KCNA2: variants seen among roughly 807,000 people sequenced by gnomAD.
The protein encoded by KCNA2 is potassium voltage-gated channel subfamily A member 2, also known as potassium channel, voltage gated shaker related subfamily A, member 2.
A neutral mutation model predicts 33.4 loss-of-function variants in KCNA2; 11 were observed. The observed-to-expected ratio is 0.33, with a 90% CI of 0.21 to 0.55. The LOEUF is 0.55. KCNA2 is among the 20% of genes least tolerant of loss of function. The pLI, the probability that KCNA2 is intolerant of heterozygous loss-of-function variation, is 0.93. For missense variants in KCNA2, 291 were observed against 621.6 expected (o/e 0.47, Z 5.66); for synonymous variants, 222 against 231.3 (o/e 0.96, Z 0.37).
chr1:110,615,655 A>C (rs1650024549), intron 1 of KCNA2, among the ~76,000 whole-genome samples: 1 of 152,186 alleles, frequency 6.6e-6, no homozygotes, highest in Non-Finnish European at 1.5e-5. Context: ...CGATCGACCC[A>C]AGTCTTTGAA....
rs1649420357 is a variant in KCNA2, at chr1:110,602,890, G to C, written c.*393C>G. ...GCCATGATTGTGTTCCTCTGTGAAA[G>C]GGCAGGTGGGCTCAAATAAGGTGGT... On this transcript the variant is annotated 3_prime_UTR_variant, in exon 3 of 3. Transcript: ENST00000316361. 9.7e-7 allele frequency: 1 copy of C among 1,029,594 alleles called. No homozygotes were observed. The highest frequency in any genetic ancestry group is 1.2e-6 in the Non-Finnish European group (1 of 859,184). The allele number at this position is 1,029,594 out of a possible 1,614,324, so 63.8% of individuals were successfully genotyped here. A position where few individuals can be genotyped will look rare whatever the true frequency, so the allele number is the denominator to read the frequency against.
chr1:110,598,406 C>T lies in KCNA2; in HGVS notation c.*4877G>A. The T allele has an allele frequency of 5.1e-6, 5 of 985,372 alleles. No individual in the cohort carries two copies. The highest frequency in any genetic ancestry group is 6.0e-6 in the Non-Finnish European group (5 of 829,932). 61.0% of individuals were successfully genotyped at this position (985,372 alleles called of 1,614,324 possible). ...TATAGTTTCCTTAGGGGGGAGTCAGCCTCTGTGACTCTACTACTGTGGGCA... is the reference window on the plus strand; with the variant it reads ...TATAGTTTCCTTAGGGGGGAGTCAGTCTCTGTGACTCTACTACTGTGGGCA... On this transcript the variant is annotated 3_prime_UTR_variant, in exon 3 of 3. Coordinates refer to ENST00000316361, the MANE Select transcript of KCNA2 (RefSeq NM_004974.4).
At position 110,599,783 on chromosome 1, in the gene KCNA2, G is replaced by A; in HGVS notation, c.*3500C>T. 1 of 985,524 alleles carries A rather than the reference G, an allele frequency of 1.0e-6. No homozygotes were observed. Among genetic ancestry groups the A allele is most frequent in the Non-Finnish European group, 1.2e-6 (1 of 830,022 alleles). 61.0% of individuals were successfully genotyped at this position (985,524 alleles called of 1,614,324 possible). A position where few individuals can be genotyped will look rare whatever the true frequency, so the allele number is the denominator to read the frequency against. ...ATAGGGCTGAATCTGGAGATCCCAGGTGCTGGGAGAAGGGGAGCCTGGGCT... is the reference window on the plus strand; with the variant it reads ...ATAGGGCTGAATCTGGAGATCCCAGATGCTGGGAGAAGGGGAGCCTGGGCT... On this transcript the variant is annotated 3_prime_UTR_variant, in exon 3 of 3. Transcript: ENST00000316361.
At chr1:110,629,705 C>T (rs1250945594) in intron 1 of KCNA2, among the ~76,000 whole-genome samples, 3 of 152,146 alleles carry the variant, frequency 2.0e-5, no homozygotes, top group Admixed American at 6.5e-5. Context: ...TGACAGACAC[C>T]TGTTTGTGGC....
At chr1:110,617,150 T>C (rs1304321534) in intron 1 of KCNA2, among the ~76,000 whole-genome samples, 2 of 152,144 alleles carry the variant, frequency 1.3e-5, no homozygotes, top group African/African-American at 4.8e-5. Flanking sequence ...TCTCACACTG[T>C]GTGAGGAGGG....
rs1649407848 is a variant in KCNA2, at chr1:110,602,620, A to G, written c.*663T>C. 1 of 998,722 alleles carries G rather than the reference A, an allele frequency of 1.0e-6. No individual in the cohort carries two copies. Among genetic ancestry groups the G allele is most frequent in the Non-Finnish European group, 1.2e-6 (1 of 838,574 alleles). The allele number at this position is 998,722 out of a possible 1,614,324, so 61.9% of individuals were successfully genotyped here. A position where few individuals can be genotyped will look rare whatever the true frequency, so the allele number is the denominator to read the frequency against. On this transcript the variant is annotated 3_prime_UTR_variant, in exon 3 of 3. Coordinates refer to ENST00000316361, the MANE Select transcript of KCNA2 (RefSeq NM_004974.4). ...AAGGGAACAAATGTGAAACTTGACA[A>G]CTCATATTCGGTCATACTAACTGTC...
intron 1 of KCNA2, among the ~76,000 whole-genome samples, chr1:110,620,386 C>G (rs1419239826): frequency 6.6e-6 from 1 of 152,174 alleles, no homozygotes; most frequent in Non-Finnish European, 1.5e-5. Flanking sequence ...TTGTGGTCTA[C>G]TGTGATTGGT....
chr1:110,596,116 C>A lies in KCNA2; in HGVS notation c.*7167G>T. 9.1e-6 allele frequency: 9 copies of A among 985,022 alleles called. No individual in the cohort carries two copies. The highest frequency in any genetic ancestry group is 1.1e-5 in the Non-Finnish European group (9 of 829,880). The allele number at this position is 985,022 out of a possible 1,614,324, so 61.0% of individuals were successfully genotyped here. A position where few individuals can be genotyped will look rare whatever the true frequency, so the allele number is the denominator to read the frequency against. ...GAAAGAGGTGATCCTGTAGCCTGTT[C>A]TTTTTTTATGAAAGATCTGCCTTCT... On this transcript the variant is annotated 3_prime_UTR_variant, in exon 3 of 3. Coordinates refer to ENST00000316361, the MANE Select transcript of KCNA2 (RefSeq NM_004974.4).
chr1:110,604,908 GA>G lies in KCNA2; in HGVS notation c.-127del. ...GCCTGGTCTCCTGCAGGAGAGCCCCGAGAGCTCTCTGAGAGCTGGAGAGACA... is the reference window on the plus strand; with the variant it reads ...GCCTGGTCTCCTGCAGGAGAGCCCCGGAGCTCTCTGAGAGCTGGAGAGACA... On this transcript the variant is annotated 5_prime_UTR_variant, in exon 3 of 3. Coordinates refer to ENST00000316361, the MANE Select transcript of KCNA2 (RefSeq NM_004974.4). The surrounding 1 kb of genome is among the most constrained non-coding windows in gnomAD (Gnocchi z 7.6). The G allele has an allele frequency of 2.3e-6, 2 of 866,928 alleles. No homozygotes were observed. The highest frequency in any genetic ancestry group is 1.8e-6 in the Non-Finnish European group (1 of 549,896). The allele number at this position is 866,928 out of a possible 1,614,324, so 53.7% of individuals were successfully genotyped here.
At chr1:110,617,068 T>C (rs1650090482) in intron 1 of KCNA2, among the ~76,000 whole-genome samples, 1 of 152,210 alleles carries the variant, frequency 6.6e-6, no homozygotes, top group Non-Finnish European at 1.5e-5. Context: ...GCATTCTTCA[T>C]GGGCAATCTG....
At position 110,616,185 on chromosome 1, in the gene KCNA2, C is replaced by T. The variant is rs180751020; in HGVS notation, c.-495-10463G>A. 4.6e-5 allele frequency among the ~76,000 whole-genome samples: 7 copies of T among 152,332 alleles called. No individual in the cohort carries two copies. The East Asian group carries it at 1.2e-3, about 25-fold the overall frequency. On this transcript the variant is annotated intron_variant, in intron 1 of 4. Coordinates refer to the KCNA2 transcript ENST00000369770. ...AGAATCTGCTGGGTTAAATCAGGGA[C>T]TCTGTAACCTGCAGATCCCCAAGTC...
Position 110,601,782 on chromosome 1 carries a change from A to ATT in KCNA2, c.*1500_*1501insAA, listed in dbSNP as rs1292975185. The ATT allele has an allele frequency of 5.5e-6, 6 of 1,096,778 alleles. No individual in the cohort carries two copies. Among genetic ancestry groups the ATT allele is most frequent in the Non-Finnish European group, 5.6e-6 (5 of 899,850 alleles). 67.9% of individuals were successfully genotyped at this position (1,096,778 alleles called of 1,614,324 possible). On this transcript the variant is annotated 3_prime_UTR_variant, in exon 3 of 3. Transcript: ENST00000316361. ...AACCTGAACTCCAGAAAATGAATAT[A>ATT]TATATATATATATGTGTGTGTGTGT... is the stretch of plus-strand genomic sequence containing the variant.
At chr1:110,619,777 T>C (rs1051471196) in intron 1 of KCNA2, among the ~76,000 whole-genome samples, 10 of 152,158 alleles carry the variant, frequency 6.6e-5, no homozygotes, top group African/African-American at 2.4e-4. Flanking sequence ...CCCAGCACTT[T>C]CAGTCACCTG....
At chr1:110,621,102 C>T (rs1380088873) in intron 1 of KCNA2, among the ~76,000 whole-genome samples, 1 of 152,204 alleles carries the variant, frequency 6.6e-6, no homozygotes, top group Non-Finnish European at 1.5e-5. Flanking sequence ...GACAACCAAT[C>T]TCTGGGGATT....
rs72978942 is a variant in KCNA2 at position 110,629,216 on chromosome 1, T to G, written c.-496+2179A>C. ...TTAGTGGCTGTTAGTGATCCCCAAT[T>G]ACCACCAAATCACCAAATGATCCCC... On this transcript the variant is annotated intron_variant, in intron 1 of 4. Coordinates refer to the KCNA2 transcript ENST00000369770. Among the ~76,000 whole-genome samples the G allele has an allele frequency of 4.0e-3, 614 of 152,262 alleles. 7 individuals carry two copies. The highest frequency in any genetic ancestry group is 0.014 in the African/African-American group (585 of 41,540).
At position 110,601,828 on chromosome 1, in the gene KCNA2, G is replaced by GTGTGTGTGTGTGTA. The variant is rs763912060; in HGVS notation, c.*1454_*1455insTACACACACACACA. 637 of 1,242,958 alleles carry GTGTGTGTGTGTGTA rather than the reference G, an allele frequency of 5.1e-4. No homozygotes were observed. The East Asian group carries it at 7.6e-3, about 15-fold the overall frequency. 77.0% of individuals were successfully genotyped at this position (1,242,958 alleles called of 1,614,324 possible). A position where few individuals can be genotyped will look rare whatever the true frequency, so the allele number is the denominator to read the frequency against. Reference sequence around the variant, plus strand: ...TGTGTGTGTGTGTGTGTGTGTGTGTGTATACATATACACACATATGTATGT... The same window carrying GTGTGTGTGTGTGTA: ...TGTGTGTGTGTGTGTGTGTGTGTGTGTGTGTGTGTGTGTATATACATATACACACATATGTATGT... On this transcript the variant is annotated 3_prime_UTR_variant, in exon 3 of 3. Coordinates refer to ENST00000316361, the MANE Select transcript of KCNA2 (RefSeq NM_004974.4).
In KCNA2 at chr1:110,601,790, A is replaced by G. The variant is rs201924903; in HGVS notation, c.*1493T>C. 0.033 allele frequency: 37,158 copies of G among 1,139,810 alleles called. 2,591 individuals carry two copies. The highest frequency in any genetic ancestry group is 0.31 in the East Asian group (7,098 of 22,744). The allele number at this position is 1,139,810 out of a possible 1,614,324, so 70.6% of individuals were successfully genotyped here. ...CTCCAGAAAATGAATATATATATATATATATGTGTGTGTGTGTGTGTGTGT... is the reference window on the plus strand; with the variant it reads ...CTCCAGAAAATGAATATATATATATGTATATGTGTGTGTGTGTGTGTGTGT... On this transcript the variant is annotated 3_prime_UTR_variant, in exon 3 of 3. Coordinates refer to ENST00000316361, the MANE Select transcript of KCNA2 (RefSeq NM_004974.4).
rs923862861 is a variant in KCNA2 at position 110,603,260 on chromosome 1, G to T, written c.*23C>A. On this transcript the variant is annotated 3_prime_UTR_variant, in exon 3 of 3. Transcript: ENST00000316361. This position sits in a 1 kb window ranked among gnomAD's most constrained non-coding sequence, Gnocchi z 5.7. ...ACATCTGCATTAGTTCCATTGAGCT[G>T]TGAGTACGGTAATAGGTTTCAATCA... The T allele has an allele frequency of 5.1e-6, 8 of 1,576,914 alleles. No homozygotes were observed. The South Asian group carries it at 9.7e-5, about 19-fold the overall frequency.
At chr1:110,628,574 A>G (rs150835576) in intron 1 of KCNA2, among the ~76,000 whole-genome samples, 25 of 152,236 alleles carry the variant, frequency 1.6e-4, no homozygotes, top group African/African-American at 5.8e-4. Context: ...CCATCTCTGT[A>G]CTGCCTGATG....
Sources: gnomAD v4.1 joint callset for allele counts (sites outside exome capture counted in the v4.1 genomes callset) on GRCh38, gnomAD v4.1.1 for gene constraint, Gnocchi (gnomAD v3.1) non-coding constraint, MANE v1.5 for transcripts, NCBI Gene and HGNC (gene_info 2026-07-23, HGNC 2026-07-21) for gene names.